Variants in TENM4 observed in about 807,000 individuals in gnomAD.
The protein encoded by TENM4 is teneurin-4.
In TENM4, 82 loss-of-function variants were observed where a neutral mutation model predicts 243.3. That is an observed-to-expected ratio of 0.34 (90% CI 0.28 to 0.40). The LOEUF (loss-of-function observed/expected upper bound fraction) is 0.40. Among genes scored for constraint, TENM4 ranks in the 10% least tolerant of loss-of-function variants. TENM4 has a pLI of 1.00. For missense variants in TENM4, 3,138 were observed against 3,673.3 expected (o/e 0.85, Z 3.77); for synonymous variants, 1,412 against 1,456.3 (o/e 0.97, Z 0.69).
intron 15 of TENM4, among the ~76,000 whole-genome samples, chr11:78,804,914 G>A (rs1003528923): frequency 6.6e-6 from 1 of 152,144 alleles, no homozygotes; most frequent in Admixed American, 6.5e-5. Flanking sequence ...TGATGGCTGG[G>A]ACATTTATCC....
chr11:78,722,183 TA>T (rs1157350808), intron 24 of TENM4, among the ~76,000 whole-genome samples: 1 of 152,142 alleles, frequency 6.6e-6, no homozygotes, highest in Non-Finnish European at 1.5e-5. Context: ...GCTAATTTTT[TA>T]AATTATTTTT....
chr11:79,184,200 A>G (rs965680004), intron 3 of TENM4, among the ~76,000 whole-genome samples: 1 of 152,160 alleles, frequency 6.6e-6, no homozygotes, highest in Non-Finnish European at 1.5e-5. Context: ...ACATGTTATA[A>G]TATGGATGGA....
intron 12 of TENM4, among the ~76,000 whole-genome samples, chr11:78,851,610 C>T (rs1343484267): frequency 4.0e-5 from 6 of 151,852 alleles, no homozygotes; most frequent in South Asian, 4.2e-4. Flanking sequence ...CTGTAAACCA[C>T]GCTTAAGGGA....
Position 78,658,958 on chromosome 11 carries a change from A to G in TENM4, c.7552-142T>C, listed in dbSNP as rs1022250731. ...TGTAGCTCTACCGCTGACCACCAGA[A>G]CATCCAGGTGGTCGCCAGAAGGTCA... On this transcript the variant is annotated intron_variant, in intron 33 of 33. Transcript: ENST00000278550. The G allele has an allele frequency of 3.1e-6, 3 of 957,312 alleles. No homozygotes were observed. In the African/African-American group the frequency reaches 5.0e-5, roughly 16 times the overall value. 59.3% of individuals were successfully genotyped at this position (957,312 alleles called of 1,614,324 possible).
At chr11:78,715,429 A>G (rs1456769036) in intron 25 of TENM4, among the ~76,000 whole-genome samples, 2 of 152,140 alleles carry the variant, frequency 1.3e-5, no homozygotes, top group Non-Finnish European at 2.9e-5. Flanking sequence ...CTGTCCACTT[A>G]GATTAGCCCC....
intron 28 of TENM4, among the ~76,000 whole-genome samples, chr11:78,692,141 G>A (rs1180579516): frequency 2.6e-5 from 4 of 152,172 alleles, no homozygotes; most frequent in Non-Finnish European, 4.4e-5. Context: ...GTGGCATCTG[G>A]ACAATGGCTT....
intron 2 of TENM4, among the ~76,000 whole-genome samples, chr11:79,271,325 C>G (rs925304404): frequency 6.6e-6 from 1 of 152,190 alleles, no homozygotes; most frequent in African/African-American, 2.4e-5. Flanking sequence ...ATTACAGAGA[C>G]TTTTTCTTGT....
intron 6 of TENM4, among the ~76,000 whole-genome samples, chr11:78,970,369 A>G (rs1179644879): frequency 6.6e-6 from 1 of 152,180 alleles, no homozygotes; most frequent in Non-Finnish European, 1.5e-5. Context: ...AAAGAGCTGG[A>G]AATCTGAAAA....
chr11:78,890,032 G>T lies in TENM4; in HGVS notation c.849-12C>A. The T allele has an allele frequency of 6.6e-7, 1 of 1,523,238 alleles. No individual in the cohort carries two copies. The highest frequency in any genetic ancestry group is 1.3e-5 in the South Asian group (1 of 79,934). The allele number at this position is 1,523,238 out of a possible 1,614,324, so 94.4% of individuals were successfully genotyped here. On this transcript the variant is annotated splice_polypyrimidine_tract_variant and intron_variant, in intron 8 of 33. Coordinates refer to ENST00000278550, the MANE Select transcript of TENM4 (RefSeq NM_001098816.3). ...TGAAGAGGAAGTGCCTGCAGATGGA[G>T]AGCAGCAAGAGGGTGTCAGGGGCTG...
chr11:78,711,596 T>TA (rs1859397761), intron 26 of TENM4, among the ~76,000 whole-genome samples: 2 of 152,272 alleles, frequency 1.3e-5, no homozygotes, highest in South Asian at 4.1e-4. Context: ...ACCATCAGAA[T>TA]AAACCTAGGA....
chr11:79,005,692 G>A (rs555816055), intron 6 of TENM4, among the ~76,000 whole-genome samples: 3 of 152,096 alleles, frequency 2.0e-5, no homozygotes, highest in Non-Finnish European at 4.4e-5. Context: ...AAAAAGAAAA[G>A]GATGCCCACT....
chr11:79,387,049 C>T (rs189350323), intron 1 of TENM4, among the ~76,000 whole-genome samples: 168 of 152,218 alleles, frequency 1.1e-3, no homozygotes, highest in Middle Eastern at 3.4e-3. Context: ...TACTCACAAA[C>T]GGCAATACTA....
At chr11:78,914,146 T>G (rs1010153053) in intron 6 of TENM4, among the ~76,000 whole-genome samples, 1 of 152,246 alleles carries the variant, frequency 6.6e-6, no homozygotes, top group Non-Finnish European at 1.5e-5. Context: ...TTTAACTCAC[T>G]CTGTGACTTT....
intron 19 of TENM4, among the ~76,000 whole-genome samples, chr11:78,750,404 C>G (rs1003346415): frequency 6.6e-6 from 1 of 152,182 alleles, no homozygotes; most frequent in Non-Finnish European, 1.5e-5. Flanking sequence ...CTCTAATGGC[C>G]AAGTCTCCCG....
intron 6 of TENM4, among the ~76,000 whole-genome samples, chr11:78,997,689 C>T (rs1212135250): frequency 6.6e-6 from 1 of 152,156 alleles, no homozygotes; most frequent in Non-Finnish European, 1.5e-5. Flanking sequence ...TATGAAGACC[C>T]AGTGAAACTC....
chr11:78,969,379 G>C (rs925589335), intron 6 of TENM4, among the ~76,000 whole-genome samples: 3 of 152,172 alleles, frequency 2.0e-5, no homozygotes, highest in African/African-American at 7.2e-5. Context: ...AATCGGTGAT[G>C]GTAACTTTCT....
At chr11:78,867,109 C>T (rs988732510) in intron 9 of TENM4, among the ~76,000 whole-genome samples, 1 of 152,096 alleles carries the variant, frequency 6.6e-6, no homozygotes, top group African/African-American at 2.4e-5. Flanking sequence ...ACAAACAATC[C>T]AATTATACTT....
At chr11:79,164,529 C>T (rs1025753124) in intron 3 of TENM4, among the ~76,000 whole-genome samples, 1 of 134,918 alleles carries the variant, frequency 7.4e-6, no homozygotes, top group Non-Finnish European at 1.5e-5. Flanking sequence ...TATATATATA[C>T]TATATAGTAC....
chr11:78,942,320 G>C (rs35528092), intron 6 of TENM4, among the ~76,000 whole-genome samples: 1 of 123,690 alleles, frequency 8.1e-6, no homozygotes, highest in Non-Finnish European at 1.6e-5. Context: ...GGTGGCATGC[G>C]CCTGTAGTTC....
Sources: gnomAD v4.1 joint callset for allele counts (sites outside exome capture counted in the v4.1 genomes callset) on GRCh38, gnomAD v4.1.1 for gene constraint, MANE v1.5 for transcripts, NCBI Gene and HGNC (gene_info 2026-07-23, HGNC 2026-07-21) for gene names.